EHBP1: variants seen among roughly 807,000 people sequenced by gnomAD.
EHBP1 encodes EH domain binding protein 1, also known as EH domain-binding protein 1.
EHBP1 carries 55 observed loss-of-function variants against 144.0 expected under a neutral mutation model. The observed-to-expected ratio is 0.38, with a 90% CI of 0.31 to 0.48. EHBP1 has a LOEUF of 0.48. Ranked by LOEUF, EHBP1 falls within the 20% of genes least tolerant of loss-of-function variation. The pLI, the probability that EHBP1 is intolerant of heterozygous loss-of-function variation, is 0.98. For missense variants in EHBP1, 1,200 were observed against 1,364.2 expected (o/e 0.88, Z 1.90); for synonymous variants, 469 against 472.7 (o/e 0.99, Z 0.10).
At chr2:63,009,464 T>C (rs1329505100) in intron 19 of EHBP1, among the ~76,000 whole-genome samples, 2 of 151,734 alleles carry the variant, frequency 1.3e-5, no homozygotes, top group Admixed American at 1.3e-4. Flanking sequence ...GATTGCTGAT[T>C]TCACCCTCTT....
intron 1 of EHBP1, among the ~76,000 whole-genome samples, chr2:62,692,696 A>T (rs942555918): frequency 6.6e-6 from 1 of 152,188 alleles, no homozygotes; most frequent in African/African-American, 2.4e-5. Context: ...ATAAATGTCA[A>T]TTTAAATTCT....
At chr2:62,955,704 A>G in intron 14 of EHBP1, 44 bp downstream of exon 14, 1 of 1,570,254 alleles carries the variant, frequency 6.4e-7, no homozygotes, top group South Asian at 1.2e-5. Context: ...GTTCATTGTA[A>G]TCATGGGGAG....
chr2:62,993,512 G>T lies in EHBP1; in HGVS notation c.2734-18G>T, dbSNP rs538512501. ...TATGAGATCAGGACTCTCTTACCATGTGTTGTTTTACGTTTAGAGTGGCAC... is the reference window on the plus strand; with the variant it reads ...TATGAGATCAGGACTCTCTTACCATTTGTTGTTTTACGTTTAGAGTGGCAC... On this transcript the variant is annotated intron_variant, in intron 16 of 22. Coordinates refer to ENST00000431489, the MANE Select transcript of EHBP1 (RefSeq NM_001142616.3). 1.9e-6 allele frequency: 3 copies of T among 1,540,794 alleles called. No individual in the cohort carries two copies. The highest frequency in any genetic ancestry group is 2.6e-6 in the Non-Finnish European group (3 of 1,137,280).
At chr2:62,877,189 A>G (rs543804051) in intron 10 of EHBP1, among the ~76,000 whole-genome samples, 2 of 152,304 alleles carry the variant, frequency 1.3e-5, no homozygotes, top group African/African-American at 4.8e-5. Context: ...AAAACAAAAA[A>G]GAGGAGGGGT....
At chr2:62,718,466 A>C (rs1338654174) in intron 2 of EHBP1, among the ~76,000 whole-genome samples, 1 of 152,188 alleles carries the variant, frequency 6.6e-6, no homozygotes, top group African/African-American at 2.4e-5. Context: ...CACCACAAAA[A>C]GTTTTACAGG....
At chr2:62,897,294 C>T (rs1313614487) in intron 10 of EHBP1, among the ~76,000 whole-genome samples, 1 of 152,178 alleles carries the variant, frequency 6.6e-6, no homozygotes, top group East Asian at 1.9e-4. Context: ...TGGAGAGCTT[C>T]CTTATTCTGT....
intron 14 of EHBP1, among the ~76,000 whole-genome samples, chr2:62,957,937 A>T (rs959443184): frequency 2.6e-5 from 4 of 152,192 alleles, no homozygotes; most frequent in African/African-American, 9.7e-5. Flanking sequence ...TTTCAATAAG[A>T]TACACAAATG....
At chr2:62,698,509 G>A (rs777503025) in intron 1 of EHBP1, among the ~76,000 whole-genome samples, 3 of 152,142 alleles carry the variant, frequency 2.0e-5, no homozygotes, top group East Asian at 1.9e-4. Flanking sequence ...GGATTTCTTC[G>A]GAAGATTGAA....
chr2:62,790,470 A>G (rs1417194937), intron 5 of EHBP1, among the ~76,000 whole-genome samples: 5 of 152,156 alleles, frequency 3.3e-5, no homozygotes, highest in African/African-American at 1.2e-4. Flanking sequence ...TGTTGGTGGC[A>G]TGTTTAAACA....
intron 10 of EHBP1, among the ~76,000 whole-genome samples, chr2:62,941,994 G>A (rs542928022): frequency 6.6e-6 from 1 of 152,088 alleles, no homozygotes; most frequent in South Asian, 2.1e-4. Context: ...TTAAGTATAT[G>A]AACAAGGGTA....
chr2:62,838,359 A>G (rs1463830662), intron 7 of EHBP1, among the ~76,000 whole-genome samples: 61 of 152,206 alleles, frequency 4.0e-4, no homozygotes, highest in Non-Finnish European at 6.6e-4. Context: ...AGGGAAATTT[A>G]TAGCACTAAA....
intron 7 of EHBP1, among the ~76,000 whole-genome samples, chr2:62,840,136 CAG>C (rs2047679909): frequency 6.7e-6 from 1 of 150,076 alleles, no homozygotes; most frequent in South Asian, 2.1e-4. Flanking sequence ...GGTACCAAAA[CAG>C]AGATATAGAT....
intron 2 of EHBP1, among the ~76,000 whole-genome samples, chr2:62,717,744 A>C (rs565804338): frequency 3.9e-5 from 6 of 152,276 alleles, no homozygotes; most frequent in East Asian, 3.9e-4. Context: ...TTTAACTTTA[A>C]TTATAACAAA....
chr2:62,914,041 TAGAA>T (rs1379877793), intron 10 of EHBP1, among the ~76,000 whole-genome samples: 2 of 152,172 alleles, frequency 1.3e-5, no homozygotes, highest in South Asian at 2.1e-4. Context: ...TGACAATTCC[TAGAA>T]AGAGAGTGTC....
At chr2:62,881,996 T>G (rs755466007) in intron 10 of EHBP1, among the ~76,000 whole-genome samples, 1 of 152,224 alleles carries the variant, frequency 6.6e-6, no homozygotes, top group Non-Finnish European at 1.5e-5. Flanking sequence ...AGCATTTTCA[T>G]TAATTGTATG....
At chr2:63,008,563 CTT>C (rs1190280637) in intron 19 of EHBP1, among the ~76,000 whole-genome samples, 1 of 144,902 alleles carries the variant, frequency 6.9e-6, no homozygotes, top group African/African-American at 2.5e-5. Context: ...TAAATCACTG[CTT>C]TTTTTTTAAT....
intron 5 of EHBP1, among the ~76,000 whole-genome samples, chr2:62,807,399 T>C (rs976735227): frequency 3.9e-5 from 6 of 152,032 alleles, no homozygotes; most frequent in Non-Finnish European, 7.4e-5. Flanking sequence ...AAATACAAAA[T>C]TAGCTGGGTG....
chr2:62,973,592 G>T lies in EHBP1; in HGVS notation c.2461-5596G>T, dbSNP rs73937316. Among the ~76,000 whole-genome samples, 917 of 152,230 alleles carry T rather than the reference G, an allele frequency of 6.0e-3. 11 individuals are homozygous for T. The highest frequency in any genetic ancestry group is 0.021 in the African/African-American group (876 of 41,528). On this transcript the variant is annotated intron_variant, in intron 14 of 22. Transcript: ENST00000431489. Reference sequence around the variant, plus strand: ...TAAAGATGTGAAAATTAAATATTATGCACATAAAGCACATAGCACATAAAT... The same window carrying T: ...TAAAGATGTGAAAATTAAATATTATTCACATAAAGCACATAGCACATAAAT...
intron 10 of EHBP1, among the ~76,000 whole-genome samples, chr2:62,912,885 C>G (rs1040444895): frequency 2.0e-5 from 3 of 152,150 alleles, no homozygotes; most frequent in South Asian, 2.1e-4. Flanking sequence ...CATATGATAC[C>G]TGGTGGGAGT....
Sources: gnomAD v4.1 joint callset for allele counts (sites outside exome capture counted in the v4.1 genomes callset) on GRCh38, gnomAD v4.1.1 for gene constraint, MANE v1.5 for transcripts, NCBI Gene and HGNC (gene_info 2026-07-23, HGNC 2026-07-21) for gene names.